Variants in LIMCH1 observed in about 807,000 individuals in gnomAD.
The protein encoded by LIMCH1 is LIM and calponin homology domains-containing protein 1.
A neutral mutation model predicts 176.5 loss-of-function variants in LIMCH1; 113 were observed. That is an observed-to-expected ratio of 0.64 (90% CI 0.55 to 0.75). LIMCH1 has a LOEUF of 0.75. Among genes scored for constraint, LIMCH1 ranks in the 30% least tolerant of loss-of-function variants. The probability of loss-of-function intolerance (pLI) is 0.00; values close to 1 mark genes in which losing one functional copy is unlikely to be tolerated. For synonymous variants in LIMCH1, 619 were observed against 645.9 expected, an observed-to-expected ratio of 0.96 and a Z score of 0.63; for missense variants, 1,674 against 1,814.9, an observed-to-expected ratio of 0.92 and a Z score of 1.41.
In LIMCH1 at chr4:41,699,923, T is replaced by C. The variant is rs998863555; in HGVS notation, c.*2738T>C. ...TGTTCTATATCGGTTATACTAACTT[T>C]CATTTAAAGTATTTATTCTAAAATG... On this transcript the variant is annotated 3_prime_UTR_variant, in exon 32 of 32. Transcript: ENST00000503057. 23 of 152,232 alleles carry C rather than the reference T, an allele frequency of 1.5e-4. No homozygotes were observed. The highest frequency in any genetic ancestry group is 1.2e-3 in the Admixed American group (18 of 15,284). The allele number at this position is 152,232 out of a possible 1,614,324, so 9.4% of individuals were successfully genotyped here. A position where few individuals can be genotyped will look rare whatever the true frequency, so the allele number is the denominator to read the frequency against.
intron 2 of LIMCH1, among the ~76,000 whole-genome samples, chr4:41,505,478 A>G (rs1450910399): frequency 6.6e-6 from 1 of 152,204 alleles, no homozygotes; most frequent in Non-Finnish European, 1.5e-5. Flanking sequence ...TCATGTGTGA[A>G]TAATGAACTT....
At chr4:41,673,533 A>C (rs923522702) in intron 22 of LIMCH1, among the ~76,000 whole-genome samples, 1 of 152,250 alleles carries the variant, frequency 6.6e-6, no homozygotes, top group Non-Finnish European at 1.5e-5. Flanking sequence ...ACTTGAAATA[A>C]GTAGCGCTTC....
At chr4:41,484,395 G>C (rs796280236) in intron 1 of LIMCH1, among the ~76,000 whole-genome samples, 1 of 152,196 alleles carries the variant, frequency 6.6e-6, no homozygotes, top group African/African-American at 2.4e-5. Flanking sequence ...GCTTACATGA[G>C]TGTGATCCAT....
chr4:41,417,675 C>A (rs1351944590), intron 1 of LIMCH1, among the ~76,000 whole-genome samples: 1 of 151,886 alleles, frequency 6.6e-6, no homozygotes, highest in Non-Finnish European at 1.5e-5. Flanking sequence ...CACGTGCCAC[C>A]ATGCCTGGCT....
chr4:41,558,422 C>T (rs1470874237), intron 1 of LIMCH1, among the ~76,000 whole-genome samples: 3 of 152,198 alleles, frequency 2.0e-5, no homozygotes, highest in Admixed American at 6.5e-5. Context: ...GATTATGCTT[C>T]TTTCCAGTTC....
intron 1 of LIMCH1, among the ~76,000 whole-genome samples, chr4:41,581,569 G>A (rs1323553836): frequency 6.6e-6 from 1 of 152,086 alleles, no homozygotes; most frequent in Non-Finnish European, 1.5e-5. Flanking sequence ...CACTTTGGGA[G>A]GCCAAGGCGG....
At chr4:41,541,579 TCCCTAGATGTCTTATAG>T (rs2152475710) in intron 1 of LIMCH1, among the ~76,000 whole-genome samples, 1 of 152,344 alleles carries the variant, frequency 6.6e-6, no homozygotes, top group South Asian at 2.1e-4. Flanking sequence ...AGCAGTTTTA[TCCCTAGATGTCTTATAG>T]CCCAGACCTG....
chr4:41,391,350 C>A (rs552099202), intron 1 of LIMCH1, among the ~76,000 whole-genome samples: 1 of 152,186 alleles, frequency 6.6e-6, no homozygotes, highest in Admixed American at 6.5e-5. Context: ...ATTTTATATA[C>A]CTTCTATTTT....
chr4:41,678,949 A>T (rs549392244), intron 23 of LIMCH1, among the ~76,000 whole-genome samples: 2 of 152,142 alleles, frequency 1.3e-5, no homozygotes, highest in Admixed American at 1.3e-4. Context: ...TTTCGTAACA[A>T]TTTTTACCAG....
intron 12 of LIMCH1, 35 bp downstream of exon 12, chr4:41,633,120 G>C: frequency 7.0e-7 from 1 of 1,423,902 alleles, no homozygotes; most frequent in Middle Eastern, 2.2e-4. Flanking sequence ...TCCGTGGTGT[G>C]TTGCCCCTGC....
At chr4:41,608,217 A>T (rs1443671375) in intron 4 of LIMCH1, among the ~76,000 whole-genome samples, 45 of 152,182 alleles carry the variant, frequency 3.0e-4, no homozygotes, top group Non-Finnish European at 1.5e-5. Flanking sequence ...TCATGTCCAC[A>T]TTCAGCCAAG....
chr4:41,412,964 A>G (rs2154124818), intron 1 of LIMCH1, among the ~76,000 whole-genome samples: 1 of 152,314 alleles, frequency 6.6e-6, no homozygotes, highest in Admixed American at 6.5e-5. Flanking sequence ...TGGGGCCTCA[A>G]ATCTGGAGAT....
rs561171402 is a variant in LIMCH1, at chr4:41,587,184, A to G, written c.-240-11736A>G. Among the ~76,000 whole-genome samples the G allele has an allele frequency of 5.3e-5, 8 of 152,314 alleles. No homozygotes were observed. In the South Asian group the frequency reaches 1.7e-3, roughly 32 times the overall value. On this transcript the variant is annotated intron_variant, in intron 1 of 31. Transcript: ENST00000503057. The stretch of plus-strand genomic sequence containing the variant: ...GTAGTAATTCACATTCTACTCTAAA[A>G]CTTTGAAAGAAAAATCCACATCTGA...
chr4:41,426,773 CAGCCTTGCTGAAAT>C (rs1465189769), intron 1 of LIMCH1, among the ~76,000 whole-genome samples: 1 of 152,234 alleles, frequency 6.6e-6, no homozygotes, highest in Non-Finnish European at 1.5e-5. Flanking sequence ...CAAACTTCTT[CAGCCTTGCTGAAAT>C]TAGTGGAAAA....
At chr4:41,474,966 A>G (rs2067514766) in intron 1 of LIMCH1, among the ~76,000 whole-genome samples, 1 of 151,938 alleles carries the variant, frequency 6.6e-6, no homozygotes, top group East Asian at 1.9e-4. Flanking sequence ...TACACAAAGG[A>G]GTATTATTCA....
intron 2 of LIMCH1, among the ~76,000 whole-genome samples, chr4:41,602,904 T>A (rs1406002587): frequency 2.0e-5 from 3 of 152,198 alleles, no homozygotes; most frequent in Admixed American, 1.3e-4. Flanking sequence ...AAACATTTTT[T>A]AAATCAAATC....
intron 1 of LIMCH1, among the ~76,000 whole-genome samples, chr4:41,484,194 C>T (rs1452704665): frequency 3.3e-5 from 5 of 152,208 alleles, no homozygotes; most frequent in Admixed American, 3.3e-4. Context: ...TTGTAACTCT[C>T]TTCCATTAAT....
intron 1 of LIMCH1, among the ~76,000 whole-genome samples, chr4:41,367,022 C>T (rs976813553): frequency 5.3e-5 from 8 of 152,082 alleles, no homozygotes; most frequent in African/African-American, 7.2e-5. Flanking sequence ...AGAGAGCAAG[C>T]GAAGAGGGAA....
At chr4:41,450,973 A>G (rs921753222) in intron 1 of LIMCH1, among the ~76,000 whole-genome samples, 4 of 152,168 alleles carry the variant, frequency 2.6e-5, no homozygotes, top group South Asian at 2.1e-4. Flanking sequence ...CTGAAATACT[A>G]TTATGAGAAA....
Sources: gnomAD v4.1 joint callset for allele counts (sites outside exome capture counted in the v4.1 genomes callset) on GRCh38, gnomAD v4.1.1 for gene constraint, MANE v1.5 for transcripts, NCBI Gene and HGNC (gene_info 2026-07-23, HGNC 2026-07-21) for gene names.